Variants in PRICKLE4 observed in about 807,000 individuals in gnomAD.
PRICKLE4 encodes prickle planar cell polarity protein 4, also known as prickle-like protein 4.
PRICKLE4 carries 40 observed loss-of-function variants against 43.5 expected under a neutral mutation model. The observed-to-expected ratio is 0.92, with a 90% confidence interval of 0.71 to 1.20. The LOEUF is 1.20. Among genes scored for constraint, PRICKLE4 ranks in the 50% most tolerant of loss-of-function variants. The pLI, the probability that PRICKLE4 is intolerant of heterozygous loss-of-function variation, is 0.00. For synonymous variants in PRICKLE4, 208 were observed against 197.4 expected (o/e 1.05, Z -0.45); for missense variants, 527 against 491.2 (o/e 1.07, Z -0.69).
chr6:41,784,769 G>T, intron 4 of PRICKLE4, 166 bp from the exon 5 acceptor site: 1 of 899,554 alleles, frequency 1.1e-6, no homozygotes, highest in Non-Finnish European at 1.7e-6. Flanking sequence ...TGGCTTTCTT[G>T]AGCTCCTTTC....
rs767796478 is a variant in PRICKLE4, at chr6:41,786,850, C to A, written c.876C>A (p.Gly292=). 1 of 1,601,378 alleles carries A rather than the reference C, an allele frequency of 6.2e-7. No homozygotes were observed. Among genetic ancestry groups the A allele is most frequent in the East Asian group, 2.2e-5 (1 of 44,712 alleles). The change falls in exon 8 of 8, where the codon GGC becomes GGA. Residue 292 remains glycine (G), a synonymous_variant. Transcript: ENST00000458694. ...CCCGAACACTCCTCGCTGCTGCCGGCGGTTCCAGCCTGCAAACTCAGAGGG... is the reference window on the plus strand; with the variant it reads ...CCCGAACACTCCTCGCTGCTGCCGGAGGTTCCAGCCTGCAAACTCAGAGGG... ...TLSRTLLAAA[G]GSSLQTQRGL... is the part of the protein sequence containing the mutation.
intron 2 of PRICKLE4, among the ~76,000 whole-genome samples, chr6:41,781,900 A>C (rs1468477761): frequency 6.6e-6 from 1 of 152,144 alleles, no homozygotes; most frequent in Admixed American, 6.5e-5. Flanking sequence ...AGTCCTTGGC[A>C]CAGAGTAAAT....
intron 6 of PRICKLE4, 93 bp from the exon 7 acceptor site, chr6:41,786,035 T>C: frequency 7.5e-7 from 1 of 1,342,248 alleles, no homozygotes; most frequent in Non-Finnish European, 1.0e-6. Context: ...GCAGACGTGC[T>C]TTAGCGTTAA....
Position 41,785,462 on chromosome 6 carries a change from C to T in PRICKLE4, c.504C>T (p.Tyr168=), listed in dbSNP as rs1462609648. The stretch of plus-strand genomic sequence containing the variant: ...GCCAGGCCCTGATAAACCTCATCTA[C>T]TTCTACCATGATGGACAACTCTACT... ...ACGQALINLI[Y]FYHDGQLYCG... Residue 168 remains tyrosine, a synonymous_variant, in exon 6 of 8, where the codon TAC becomes TAT. Transcript: ENST00000458694. 3.1e-6 allele frequency: 5 copies of T among 1,613,986 alleles called. No individual in the cohort carries two copies. The highest frequency in any genetic ancestry group is 1.3e-5 in the African/African-American group (1 of 74,950).
At chr6:41,784,559 T>C (rs1772609252) in intron 4 of PRICKLE4, among the ~76,000 whole-genome samples, 1 of 152,232 alleles carries the variant, frequency 6.6e-6, no homozygotes, top group African/African-American at 2.4e-5. Context: ...GGTCTACATG[T>C]GTCCAGCCTA....
chr6:41,784,369 G>A (rs976857415), intron 4 of PRICKLE4, 131 bp downstream of exon 4: 9 of 705,540 alleles, frequency 1.3e-5, no homozygotes, highest in Admixed American at 3.4e-5. Context: ...TGGTTGGGGC[G>A]TCATTCTCCC....
Position 41,786,724 on chromosome 6 carries a change from G to A in PRICKLE4, c.788-38G>A, listed in dbSNP as rs527424759. The A allele has an allele frequency of 2.5e-6, 4 of 1,612,216 alleles. No homozygotes were observed. In the African/African-American group the frequency reaches 4.0e-5, roughly 16 times the overall value. ...AGCTGCGGTGTAGGTCCAGCTCCGC[G>A]GCTCTGAGACCAGCGTTTCCGACCC... On this transcript the variant is annotated intron_variant, in intron 7 of 7. Coordinates refer to ENST00000458694, the MANE Select transcript of PRICKLE4 (RefSeq NM_013397.6).
chr6:41,783,752 C>T (rs1772590493), intron 3 of PRICKLE4, 147 bp downstream of exon 3: 2 of 1,103,396 alleles, frequency 1.8e-6, no homozygotes, highest in Non-Finnish European at 2.7e-6. Context: ...GTCTCTGCAC[C>T]TGCTTAGAAC....
chr6:41,785,585 A>G (rs1772629795), intron 6 of PRICKLE4, 45 bp downstream of exon 6: 1 of 1,575,796 alleles, frequency 6.3e-7, no homozygotes, highest in African/African-American at 1.3e-5. Flanking sequence ...CAGAGTCCAG[A>G]GTGGCAGGAT....
At chr6:41,783,429 A>C in intron 2 of PRICKLE4, 33 bp from the exon 3 acceptor site, 1 of 1,449,440 alleles carries the variant, frequency 6.9e-7, no homozygotes, top group Non-Finnish European at 9.4e-7. Context: ...TAACGGCCTA[A>C]TACATGGAGG....
chr6:41,785,451 A>C lies in PRICKLE4; in HGVS notation c.493A>C (p.Asn165His). 6.2e-7 allele frequency: 1 copy of C among 1,614,074 alleles called. No homozygotes were observed. The highest frequency in any genetic ancestry group is 8.5e-7 in the Non-Finnish European group (1 of 1,180,024). The change falls in exon 6 of 8, where the codon AAC (asparagine) becomes CAC (histidine). Residue 165 changes from asparagine (N) to histidine (H), a missense_variant. Physicochemically the swap from Asn to His is moderately conservative, Grantham distance 68. Coordinates refer to ENST00000458694, the MANE Select transcript of PRICKLE4 (RefSeq NM_013397.6). ...ACQACGQALINLIYFYHDGQL... is the reference protein window; with the variant it reads ...ACQACGQALIHLIYFYHDGQL... ...CCAGGCCTGTGGCCAGGCCCTGATA[A>C]ACCTCATCTACTTCTACCATGATGG... is the stretch of plus-strand genomic sequence containing the variant.
Position 41,787,317 on chromosome 6 carries a change from C to G in PRICKLE4, c.*188C>G, listed in dbSNP as rs1772682874. ...CGCGTTCTAAGACTTTTGGCGGAGACTTTCTTGGCAAAACCCATTCCCCAA... is the reference window on the plus strand; with the variant it reads ...CGCGTTCTAAGACTTTTGGCGGAGAGTTTCTTGGCAAAACCCATTCCCCAA... On this transcript the variant is annotated 3_prime_UTR_variant, in exon 8 of 8. Transcript: ENST00000458694. The G allele has an allele frequency of 1.1e-6, 1 of 871,590 alleles. No homozygotes were observed. The highest frequency in any genetic ancestry group is 1.7e-5 in the African/African-American group (1 of 58,844). 54.0% of individuals were successfully genotyped at this position (871,590 alleles called of 1,614,324 possible).
intron 6 of PRICKLE4, among the ~76,000 whole-genome samples, 156 bp downstream of exon 6, chr6:41,785,696 G>T (rs976651645): frequency 6.6e-6 from 1 of 152,178 alleles, no homozygotes; most frequent in Non-Finnish European, 1.5e-5. Context: ...GTTCTGACTT[G>T]AGCTCTGGGC....
At chr6:41,786,665 T>A (rs970688943) in intron 7 of PRICKLE4, 97 bp from the exon 8 acceptor site, 1 of 1,582,410 alleles carries the variant, frequency 6.3e-7, no homozygotes, top group Admixed American at 1.7e-5. Flanking sequence ...GCCCAGGGGC[T>A]GGGCGGGGCG....
chr6:41,787,337 C>T lies in PRICKLE4; in HGVS notation c.*208C>T. The T allele has an allele frequency of 4.0e-6, 3 of 752,560 alleles. No homozygotes were observed. The highest frequency in any genetic ancestry group is 5.6e-5 in the East Asian group (2 of 35,684). 46.6% of individuals were successfully genotyped at this position (752,560 alleles called of 1,614,324 possible). ...GGAGACTTTCTTGGCAAAACCCATTCCCCAAAGCTACGCTTCCCCTGCTGA... is the reference window on the plus strand; with the variant it reads ...GGAGACTTTCTTGGCAAAACCCATTTCCCAAAGCTACGCTTCCCCTGCTGA... On this transcript the variant is annotated 3_prime_UTR_variant, in exon 8 of 8. Coordinates refer to ENST00000458694, the MANE Select transcript of PRICKLE4 (RefSeq NM_013397.6).
chr6:41,785,023 G>A lies in PRICKLE4; in HGVS notation c.329G>A (p.Gly110Glu). The A allele has an allele frequency of 1.9e-6, 3 of 1,613,540 alleles. No individual in the cohort carries two copies. Among genetic ancestry groups the A allele is most frequent in the Non-Finnish European group, 2.5e-6 (3 of 1,179,782 alleles). Residue 110 changes from glycine (G) to glutamate (E), a missense_variant, in exon 5 of 8, where the codon GGG (glycine) becomes GAG (glutamate). Gly to Glu is a moderately conservative substitution (Grantham distance 98, BLOSUM62 -2). Coordinates refer to ENST00000458694, the MANE Select transcript of PRICKLE4 (RefSeq NM_013397.6). ...CGGAAGCAGGAAGCCCTGGGACAGG[G>A]GGTAGCCCGCCTGGTACTTCCCAAG... ...ARRKQEALGQ[G>E]VARLVLPKLE...
Position 41,785,478 on chromosome 6 carries a change from CA to C in PRICKLE4, c.522del (p.Gln174HisfsTer22). ...CCTCATCTACTTCTACCATGATGGACAACTCTACTGCGGCCGTCATCATGCA... is the reference window on the plus strand; with the variant it reads ...CCTCATCTACTTCTACCATGATGGACACTCTACTGCGGCCGTCATCATGCA... Reference protein sequence around the residue: ...INLIYFYHDGQLYCGRHHAEL... With the variant: ...INLIYFYHDGXLYCGRHHAEL... On this transcript the variant is annotated frameshift_variant, in exon 6 of 8. Transcript: ENST00000458694. LOFTEE classifies it high-confidence loss of function. 6.2e-7 allele frequency: 1 copy of C among 1,614,092 alleles called. No homozygotes were observed. The highest frequency in any genetic ancestry group is 1.1e-5 in the South Asian group (1 of 91,092).
At chr6:41,783,791 A>G (rs1242060225) in intron 3 of PRICKLE4, 186 bp downstream of exon 3, 3 of 849,074 alleles carry the variant, frequency 3.5e-6, no homozygotes, top group Admixed American at 4.0e-5. Flanking sequence ...ACTCATTCAC[A>G]TGAGTATTCA....
chr6:41,786,444 G>T, intron 7 of PRICKLE4, 112 bp downstream of exon 7: 1 of 1,238,452 alleles, frequency 8.1e-7, no homozygotes, highest in Non-Finnish European at 1.1e-6. Context: ...CTCCAGGAGC[G>T]CCCCCACCGC....
Sources: gnomAD v4.1 joint callset for allele counts (sites outside exome capture counted in the v4.1 genomes callset) on GRCh38, gnomAD v4.1.1 for gene constraint, MANE v1.5 for transcripts, NCBI Gene and HGNC (gene_info 2026-07-23, HGNC 2026-07-21) for gene names.